Variants in CUX1 observed in about 807,000 individuals in gnomAD.
CUX1 encodes the protein cut like homeobox 1.
Under a neutral mutation model 158.8 loss-of-function variants are expected in CUX1, and 31 were observed. The observed-to-expected ratio is 0.20, with a 90% CI of 0.15 to 0.26. The LOEUF is 0.26. Ranked by LOEUF, CUX1 falls within the 10% of genes least tolerant of loss-of-function variation. CUX1 has a pLI of 1.00. For missense variants in CUX1, 1,589 were observed against 2,014.6 expected (o/e 0.79, Z 4.04); for synonymous variants, 879 against 862.1 (o/e 1.02, Z -0.34).
intron 6 of CUX1, 53 bp from the exon 7 acceptor site, chr7:102,111,645 A>G (rs1473362948): frequency 1.2e-5 from 18 of 1,525,878 alleles, no homozygotes; most frequent in Non-Finnish European, 1.5e-5. Context: ...GCACACGTGC[A>G]TTTCAGTTGG....
intron 20 of CUX1, among the ~76,000 whole-genome samples, chr7:102,222,963 C>T (rs1415700671): frequency 6.6e-6 from 1 of 151,130 alleles, no homozygotes; most frequent in East Asian, 2.0e-4. Context: ...GGGCACGCGC[C>T]TGGCTAATTT....
chr7:102,281,648 G>C (rs1239228036), intron 20 of CUX1, among the ~76,000 whole-genome samples: 1 of 151,512 alleles, frequency 6.6e-6, no homozygotes, highest in East Asian at 1.9e-4. Flanking sequence ...GGGCGACAGA[G>C]GGAGACTCTG....
At chr7:102,144,222 G>A (rs1305865773) in intron 8 of CUX1, among the ~76,000 whole-genome samples, 2 of 152,200 alleles carry the variant, frequency 1.3e-5, no homozygotes, top group Admixed American at 6.5e-5. Context: ...GTAGCAGTCA[G>A]CATCAGTGCA....
chr7:102,032,063 CCA>C (rs1264443561), intron 3 of CUX1, among the ~76,000 whole-genome samples: 1 of 151,644 alleles, frequency 6.6e-6, no homozygotes. Flanking sequence ...GTAGCTAGGA[CCA>C]CAGGCTCTTG....
chr7:101,973,428 G>A (rs1264259345), intron 2 of CUX1, among the ~76,000 whole-genome samples: 2 of 152,226 alleles, frequency 1.3e-5, no homozygotes, highest in African/African-American at 4.8e-5. Context: ...CGCCAGGACA[G>A]TCTGCTGACA....
intron 8 of CUX1, among the ~76,000 whole-genome samples, chr7:102,117,786 G>A (rs1831589524): frequency 6.6e-6 from 1 of 152,234 alleles, no homozygotes; most frequent in Admixed American, 6.5e-5. Context: ...GAAGATGCAA[G>A]CCTGGCGAAG....
chr7:102,098,807 ATTTTTTTTTTTTTTTTTT>A lies in CUX1; in HGVS notation c.406+1321_406+1338del, dbSNP rs112048598. On this transcript the variant is annotated intron_variant, in intron 5 of 23. Coordinates refer to ENST00000292535, the MANE Select transcript of CUX1 (RefSeq NM_181552.4). ...AGGAGCCCGCCACCACGCCCAACTAATTTTTTTTTTTTTTTTTTTTTTTTTTTTTTTTAAGTAGAGACG... is the reference window on the plus strand; with the variant it reads ...AGGAGCCCGCCACCACGCCCAACTAATTTTTTTTTTTTTTAAGTAGAGACG... Among the ~76,000 whole-genome samples the A allele has an allele frequency of 1.2e-3, 82 of 68,006 alleles. No homozygotes were observed. In the South Asian group the frequency reaches 0.021, roughly 18 times the overall value. 44.6% of individuals were successfully genotyped at this position (68,006 alleles called of 152,430 possible).
intron 2 of CUX1, among the ~76,000 whole-genome samples, chr7:101,922,413 A>T (rs1805061808): frequency 6.6e-6 from 1 of 152,166 alleles, no homozygotes; most frequent in African/African-American, 2.4e-5. Context: ...TTATAGATAA[A>T]CAGTTCTGCT....
rs199914406 is a variant in CUX1 at position 102,204,593 on chromosome 7, C to G, written c.3073+37C>G. Reference sequence around the variant, plus strand: ...CCTGCCACAGGAGAGGGGCTGCCCCCCCATAGCAAGGACCTGGTCACAGCA... The same window carrying G: ...CCTGCCACAGGAGAGGGGCTGCCCCGCCATAGCAAGGACCTGGTCACAGCA... On this transcript the variant is annotated intron_variant, in intron 19 of 23. Transcript: ENST00000292535. The G allele has an allele frequency of 3.6e-3, 5,760 of 1,603,366 alleles. 19 individuals are homozygous for G. Among genetic ancestry groups the G allele is most frequent in the Non-Finnish European group, 4.0e-3 (4,656 of 1,173,264 alleles).
intron 3 of CUX1, among the ~76,000 whole-genome samples, chr7:102,056,508 G>A (rs1211186738): frequency 6.6e-6 from 1 of 152,214 alleles, no homozygotes; most frequent in Non-Finnish European, 1.5e-5. Context: ...CACAGCATCT[G>A]TTTATAGCAT....
rs2130363047 is a variant in CUX1, at chr7:102,060,789, T to G, written c.190-9550T>G. ...CACCACACCTGGCTGATTTTTTGTA[T>G]TTTTAGTAGAGATGGGGTTTCACCA... On this transcript the variant is annotated intron_variant, in intron 3 of 23. Coordinates refer to ENST00000292535, the MANE Select transcript of CUX1 (RefSeq NM_181552.4). Among the ~76,000 whole-genome samples, 3 of 151,564 alleles carry G rather than the reference T, an allele frequency of 2.0e-5. No homozygotes were observed. In the South Asian group the frequency reaches 6.3e-4, roughly 32 times the overall value.
intron 2 of CUX1, among the ~76,000 whole-genome samples, chr7:101,980,051 G>A (rs1030818187): frequency 2.0e-5 from 3 of 152,168 alleles, no homozygotes; most frequent in African/African-American, 7.2e-5. Context: ...GCGGAGAGCG[G>A]GGCCCTACCC....
chr7:102,170,092 G>A (rs1001268484), intron 9 of CUX1, among the ~76,000 whole-genome samples: 1 of 152,120 alleles, frequency 6.6e-6, no homozygotes, highest in South Asian at 2.1e-4. Flanking sequence ...GAGTAATCCC[G>A]CAATAAAATC....
chr7:102,269,482 T>A (rs1554545736), intron 14 of CUX1, among the ~76,000 whole-genome samples: 1 of 151,796 alleles, frequency 6.6e-6, no homozygotes, highest in Non-Finnish European at 1.5e-5. Context: ...CTCAGCTCAC[T>A]GTAACCTCCG....
chr7:102,170,479 T>C lies in CUX1; in HGVS notation c.757T>C (p.Leu253=). ...AEVAQREAET[L]REQLSSANHS... is the part of the protein sequence containing the mutation. Reference sequence around the variant, plus strand: ...GGTGGCTCAGAGAGAGGCGGAGACCTTAAGGGAACAGCTCTCATCGGCCAA... The same window carrying C: ...GGTGGCTCAGAGAGAGGCGGAGACCCTAAGGGAACAGCTCTCATCGGCCAA... The change falls in exon 10 of 24, where the codon TTA becomes CTA. Residue 253 remains leucine (L), a synonymous_variant. Transcript: ENST00000292535. The C allele has an allele frequency of 1.3e-6, 2 of 1,592,796 alleles. No homozygotes were observed. Among genetic ancestry groups the C allele is most frequent in the South Asian group, 2.3e-5 (2 of 87,280 alleles).
At position 102,257,288 on chromosome 7, in the gene CUX1, C is replaced by T; in HGVS notation, c.*8246C>T. ...AGAAACCCTCCACCGAAACAATGGT[C>T]CCCATCTCCCCAGAAGCCTTTTTTT... On this transcript the variant is annotated 3_prime_UTR_variant, in exon 24 of 24. Transcript: ENST00000292535. 1 of 984,850 alleles carries T rather than the reference C, an allele frequency of 1.0e-6. No homozygotes were observed. Among genetic ancestry groups the T allele is most frequent in the Non-Finnish European group, 1.2e-6 (1 of 829,762 alleles). The allele number at this position is 984,850 out of a possible 1,614,324, so 61.0% of individuals were successfully genotyped here.
chr7:102,016,192 C>G (rs1438775034), intron 2 of CUX1, among the ~76,000 whole-genome samples: 1 of 152,198 alleles, frequency 6.6e-6, no homozygotes, highest in Non-Finnish European at 1.5e-5. Context: ...AAGCAGTCCT[C>G]TCGCCTTAAC....
In CUX1 at chr7:101,874,266, T is replaced by A. The variant is rs141637080; in HGVS notation, c.31-41849T>A. On this transcript the variant is annotated intron_variant, in intron 1 of 23. Transcript: ENST00000292535. ...AGGCCGTTGATAGAATAATATCCTG[T>A]GCTTCCTTGGTGTCTCTCTCTGAGG... 2.6e-4 allele frequency among the ~76,000 whole-genome samples: 40 copies of A among 152,360 alleles called. 1 individual carries two copies. The highest frequency in any genetic ancestry group is 3.9e-4 in the Admixed American group (6 of 15,310).
chr7:102,072,368 A>T (rs887248621), intron 4 of CUX1, among the ~76,000 whole-genome samples: 1 of 152,210 alleles, frequency 6.6e-6, no homozygotes, highest in African/African-American at 2.4e-5. Context: ...TATAAAGGTC[A>T]CACTCCTATG....
Sources: gnomAD v4.1 joint callset for allele counts (sites outside exome capture counted in the v4.1 genomes callset) on GRCh38, gnomAD v4.1.1 for gene constraint, MANE v1.5 for transcripts, NCBI Gene and HGNC (gene_info 2026-07-23, HGNC 2026-07-21) for gene names.